Variants in NUP98 observed in about 807,000 individuals in gnomAD.
NUP98 encodes nucleoporin 98 and 96 precursor, also known as nuclear pore complex protein Nup98-Nup96.
Under a neutral mutation model 191.9 loss-of-function variants are expected in NUP98, and 26 were observed. The observed-to-expected ratio is 0.14, with a 90% confidence interval of 0.10 to 0.19. The LOEUF (loss-of-function observed/expected upper bound fraction) is 0.19. Ranked by LOEUF, NUP98 falls within the 10% of genes least tolerant of loss-of-function variation. NUP98 has a pLI of 1.00. For missense variants in NUP98, 1,941 were observed against 2,178.8 expected, an observed-to-expected ratio of 0.89 and a Z score of 2.17; for synonymous variants, 808 against 778.4, an observed-to-expected ratio of 1.04 and a Z score of -0.63.
intron 31 of NUP98, among the ~76,000 whole-genome samples, chr11:3,678,971 A>C (rs1344493508): frequency 6.6e-6 from 1 of 152,020 alleles, no homozygotes; most frequent in African/African-American, 2.4e-5. Context: ...AAAATACAAA[A>C]GTTAGCTGCG....
At chr11:3,765,012 T>G (rs2081291417) in intron 8 of NUP98, among the ~76,000 whole-genome samples, 2 of 152,232 alleles carry the variant, frequency 1.3e-5, no homozygotes, top group African/African-American at 4.8e-5. Flanking sequence ...TCTGGAGAAA[T>G]GTCAATTCAA....
chr11:3,746,314 A>AT (rs1337614189), intron 11 of NUP98, among the ~76,000 whole-genome samples: 1 of 150,822 alleles, frequency 6.6e-6, no homozygotes, highest in African/African-American at 2.5e-5. Flanking sequence ...GGGACAAAGA[A>AT]TAAGACTTCT....
At chr11:3,705,166 G>A (rs1426875007) in intron 22 of NUP98, 34 bp downstream of exon 22, 2 of 1,609,034 alleles carry the variant, frequency 1.2e-6, no homozygotes, top group South Asian at 2.2e-5. Context: ...TGACTGTACA[G>A]CTTTCTTGTA....
chr11:3,770,235 C>T (rs188985087), intron 7 of NUP98, among the ~76,000 whole-genome samples: 1 of 152,056 alleles, frequency 6.6e-6, no homozygotes, highest in Admixed American at 6.6e-5. Flanking sequence ...AATCCCAACT[C>T]CTTGGGAGGC....
At chr11:3,690,797 T>A (rs1054796906) in intron 28 of NUP98, among the ~76,000 whole-genome samples, 8 of 151,980 alleles carry the variant, frequency 5.3e-5, no homozygotes, top group African/African-American at 9.7e-5. Context: ...AAAACCTAAC[T>A]GTCCATCAAC....
chr11:3,746,303 T>C (rs899347936), intron 11 of NUP98, among the ~76,000 whole-genome samples: 2 of 130,514 alleles, frequency 1.5e-5, no homozygotes, highest in African/African-American at 6.0e-5. Context: ...AAGACAGCTT[T>C]GGGACAAAGA....
intron 31 of NUP98, among the ~76,000 whole-genome samples, chr11:3,679,276 C>T (rs957695990): frequency 6.6e-6 from 1 of 152,200 alleles, no homozygotes; most frequent in African/African-American, 2.4e-5. Flanking sequence ...GCTTCTCACT[C>T]AAACTAGGAC....
intron 20 of NUP98, among the ~76,000 whole-genome samples, chr11:3,708,535 T>C (rs1052429708): frequency 1.4e-4 from 21 of 152,204 alleles, no homozygotes; most frequent in African/African-American, 3.4e-4. Flanking sequence ...ATCTAATAAG[T>C]GGACAAGGGG....
At chr11:3,786,847 A>G (rs576167608) in intron 1 of NUP98, among the ~76,000 whole-genome samples, 111 of 152,376 alleles carry the variant, frequency 7.3e-4, no homozygotes, top group African/African-American at 2.5e-3. Flanking sequence ...CTGAAAGACT[A>G]TGCAAGCTTC....
chr11:3,712,448 T>A (rs748413587), intron 20 of NUP98, 116 bp downstream of exon 20: 1 of 1,517,230 alleles, frequency 6.6e-7, no homozygotes, highest in Non-Finnish European at 8.8e-7. Context: ...TGATTGCCAA[T>A]GTTTGTACTC....
intron 12 of NUP98, among the ~76,000 whole-genome samples, chr11:3,737,606 G>A (rs774669093): frequency 6.6e-6 from 1 of 152,150 alleles, no homozygotes; most frequent in East Asian, 1.9e-4. Flanking sequence ...TAGCCTAGGC[G>A]ACAGAGCGAG....
In NUP98 at chr11:3,695,542, G is replaced by A. The variant is rs756828692; in HGVS notation, c.4074C>T (p.Leu1358=). ...GATGCCAGTCCACCAACTGCATGGT[G>A]AGCAGCTCCCGGACTGACTGGCTAC... ...FVGSQSVREL[L]TMQLVDWHQL... The change falls in exon 26 of 33, where the codon CTC becomes CTT. Residue 1358 remains leucine, a synonymous_variant. Coordinates refer to ENST00000324932, the MANE Select transcript of NUP98 (RefSeq NM_016320.5). 3.7e-6 allele frequency: 6 copies of A among 1,611,290 alleles called. No individual in the cohort carries two copies. The highest frequency in any genetic ancestry group is 5.1e-6 in the Non-Finnish European group (6 of 1,178,768).
chr11:3,769,407 C>G (rs2081444351), intron 7 of NUP98, among the ~76,000 whole-genome samples: 2 of 151,766 alleles, frequency 1.3e-5, no homozygotes, highest in Non-Finnish European at 2.9e-5. Flanking sequence ...GCCTGGGTGA[C>G]AGAGCTAGAC....
At chr11:3,739,616 C>G (rs1363731881) in intron 12 of NUP98, among the ~76,000 whole-genome samples, 11 of 152,126 alleles carry the variant, frequency 7.2e-5, no homozygotes, top group Admixed American at 7.2e-4. Flanking sequence ...CACCTCCGCT[C>G]TCTCCAAGAC....
Position 3,686,020 on chromosome 11 carries a change from C to G in NUP98, c.4629G>C (p.Gly1543=). ...GGACAAAGATGGCCCACTCCCAGAG[C>G]CCCTCACTTTCAAGCTGGCCAGCGT... ...ASYAGQLESE[G]LWEWAIFVLL... is the part of the protein sequence containing the mutation. The change falls in exon 29 of 33, where the codon GGG becomes GGC. Residue 1543 remains glycine (G), a synonymous_variant. Transcript: ENST00000324932. 1.2e-6 allele frequency: 2 copies of G among 1,614,190 alleles called. No homozygotes were observed. Among genetic ancestry groups the G allele is most frequent in the Non-Finnish European group, 1.7e-6 (2 of 1,180,040 alleles).
chr11:3,768,837 AAT>A (rs1381123748), intron 7 of NUP98, 93 bp from the exon 8 acceptor site: 1 of 1,008,418 alleles, frequency 9.9e-7, no homozygotes, highest in Non-Finnish European at 1.4e-6. Context: ...CAGTTGTTGT[AAT>A]AGTCTTTATG....
chr11:3,698,301 TGAG>T (rs1451622473), intron 25 of NUP98, among the ~76,000 whole-genome samples: 8 of 152,376 alleles, frequency 5.3e-5, no homozygotes, highest in Non-Finnish European at 1.2e-4. Context: ...ATGTTTGCAG[TGAG>T]TAGTAGTCAC....
chr11:3,740,192 T>G (rs1440804562), intron 12 of NUP98, among the ~76,000 whole-genome samples: 1 of 151,942 alleles, frequency 6.6e-6, no homozygotes, highest in Non-Finnish European at 1.5e-5. Context: ...GAAGTAGAAT[T>G]GAAAACAGGA....
rs769589170 is a variant in NUP98 at position 3,731,376 on chromosome 11, C to G, written c.1730+15G>C. ...GTATTTTACACTTAATTTCTGTTAA[C>G]AAAAATAAACTCACTTGGGCATGAA... On this transcript the variant is annotated intron_variant, in intron 14 of 32. Coordinates refer to ENST00000324932, the MANE Select transcript of NUP98 (RefSeq NM_016320.5). 1.3e-6 allele frequency: 2 copies of G among 1,489,336 alleles called. No individual in the cohort carries two copies. The highest frequency in any genetic ancestry group is 3.0e-5 in the South Asian group (2 of 66,792). 92.3% of individuals were successfully genotyped at this position (1,489,336 alleles called of 1,614,324 possible).
Sources: gnomAD v4.1 joint callset for allele counts (sites outside exome capture counted in the v4.1 genomes callset) on GRCh38, gnomAD v4.1.1 for gene constraint, MANE v1.5 for transcripts, NCBI Gene and HGNC (gene_info 2026-07-23, HGNC 2026-07-21) for gene names.